VPS13B: variants seen among roughly 807,000 people sequenced by gnomAD.
VPS13B encodes intermembrane lipid transfer protein VPS13B.
In VPS13B, 285 loss-of-function variants were observed where a neutral mutation model predicts 426.4. The ratio of observed to expected loss-of-function variants is 0.67; its 90% CI spans 0.61 to 0.74. The LOEUF (loss-of-function observed/expected upper bound fraction) is 0.74, where lower values mean the gene tolerates loss of function less well. VPS13B is among the 30% of genes least tolerant of loss of function. The probability of loss-of-function intolerance (pLI) is 0.00; values close to 1 mark genes in which losing one functional copy is unlikely to be tolerated. For missense variants in VPS13B, 4,537 were observed against 4,782.6 expected (o/e 0.95, Z 1.51); for synonymous variants, 1,676 against 1,676.4 (o/e 1.00, Z 0.01).
At chr8:99,186,508 C>A (rs1813228928) in intron 16 of VPS13B, among the ~76,000 whole-genome samples, 1 of 151,832 alleles carries the variant, frequency 6.6e-6, no homozygotes, top group African/African-American at 2.4e-5. Flanking sequence ...CATTTGTTAA[C>A]CAGTTACAAA....
chr8:99,114,523 A>G lies in VPS13B; in HGVS notation c.763-1177A>G, dbSNP rs140888956. Among the ~76,000 whole-genome samples the G allele has an allele frequency of 7.9e-5, 12 of 152,328 alleles. No individual in the cohort carries two copies. The East Asian group carries it at 2.3e-3, about 29-fold the overall frequency. On this transcript the variant is annotated intron_variant, in intron 6 of 61. Transcript: ENST00000357162. The stretch of plus-strand genomic sequence containing the variant: ...GCTTATTACCAGTGCTATTGGTGCA[A>G]TACAAGATTTAAAAGAATGTGACAG...
intron 33 of VPS13B, among the ~76,000 whole-genome samples, chr8:99,616,461 T>C (rs1418505099): frequency 2.0e-5 from 3 of 152,112 alleles, no homozygotes; most frequent in Non-Finnish European, 4.4e-5. Context: ...AGGGTGAACT[T>C]TGAAAGATAA....
intron 20 of VPS13B, among the ~76,000 whole-genome samples, chr8:99,387,268 A>G (rs1814176681): frequency 1.3e-5 from 2 of 151,962 alleles, no homozygotes; most frequent in African/African-American, 4.8e-5. Flanking sequence ...CCCAGGCTGA[A>G]GTGCAGTGCT....
At chr8:99,744,210 A>G (rs980954673) in intron 39 of VPS13B, among the ~76,000 whole-genome samples, 1 of 152,248 alleles carries the variant, frequency 6.6e-6, no homozygotes, top group African/African-American at 2.4e-5. Flanking sequence ...CAAAAGACAC[A>G]TGAAAAAATG....
intron 33 of VPS13B, among the ~76,000 whole-genome samples, chr8:99,599,221 C>G (rs1449056057): frequency 6.6e-6 from 1 of 151,986 alleles, no homozygotes; most frequent in African/African-American, 2.4e-5. Context: ...CCTGTCCTCT[C>G]AAGGTTACTA....
In VPS13B at chr8:99,152,196, G is replaced by A. The variant is rs75851559; in HGVS notation, c.2013+4186G>A. Among the ~76,000 whole-genome samples the A allele has an allele frequency of 2.9e-4, 44 of 152,202 alleles. No homozygotes were observed. In the Middle Eastern group the frequency reaches 0.017, roughly 59 times the overall value. On this transcript the variant is annotated intron_variant, in intron 14 of 61. Transcript: ENST00000357162. ...GCTTTCACTGCATGCTACAAATTTC[G>A]ATAAGTTGGATTTTTGTTTTCATTT...
At chr8:99,777,989 T>C (rs1349380685) in intron 41 of VPS13B, among the ~76,000 whole-genome samples, 1 of 152,110 alleles carries the variant, frequency 6.6e-6, no homozygotes, top group Non-Finnish European at 1.5e-5. Flanking sequence ...CCCAACACTT[T>C]GGGAGGCCGA....
intron 2 of VPS13B, among the ~76,000 whole-genome samples, chr8:99,036,261 T>G (rs1253038568): frequency 6.6e-6 from 1 of 152,164 alleles, no homozygotes; most frequent in African/African-American, 2.4e-5. Flanking sequence ...TTGAGATATA[T>G]TCAACTCTGT....
At chr8:99,780,433 CTCTT>C (rs1283616550) in intron 42 of VPS13B, among the ~76,000 whole-genome samples, 1 of 152,116 alleles carries the variant, frequency 6.6e-6, no homozygotes, top group Non-Finnish European at 1.5e-5. Context: ...TAAAAATACT[CTCTT>C]AGACACAGCT....
At chr8:99,205,604 TG>T (rs1355198050) in intron 17 of VPS13B, among the ~76,000 whole-genome samples, 1 of 152,230 alleles carries the variant, frequency 6.6e-6, no homozygotes, top group African/African-American at 2.4e-5. Context: ...ATGTAAGGAC[TG>T]GATACCATTA....
intron 3 of VPS13B, among the ~76,000 whole-genome samples, chr8:99,090,857 C>CT (rs201877939): frequency 1.3e-5 from 2 of 151,476 alleles, no homozygotes; most frequent in Admixed American, 6.6e-5. Flanking sequence ...TCTGTATTTA[C>CT]TTTTTTTTTC....
intron 17 of VPS13B, among the ~76,000 whole-genome samples, chr8:99,271,363 G>A (rs1439649253): frequency 1.3e-5 from 2 of 152,080 alleles, no homozygotes; most frequent in Admixed American, 1.3e-4. Flanking sequence ...TAAATATACA[G>A]CATTTTAGAT....
chr8:99,376,485 A>G (rs984432146), intron 19 of VPS13B, among the ~76,000 whole-genome samples: 9 of 152,202 alleles, frequency 5.9e-5, no homozygotes, highest in Admixed American at 2.0e-4. Flanking sequence ...ATGTAATCAT[A>G]TAACTTACAT....
At chr8:99,733,425 A>G (rs1179128406) in intron 39 of VPS13B, among the ~76,000 whole-genome samples, 1 of 152,220 alleles carries the variant, frequency 6.6e-6, no homozygotes, top group Non-Finnish European at 1.5e-5. Context: ...CAAATTAGGG[A>G]TAATCATAGC....
At chr8:99,195,869 A>G (rs1451984904) in intron 17 of VPS13B, among the ~76,000 whole-genome samples, 1 of 152,208 alleles carries the variant, frequency 6.6e-6, no homozygotes, top group African/African-American at 2.4e-5. Flanking sequence ...TCAATTGTCC[A>G]TAAATGTGTG....
chr8:99,164,425 C>A (rs1418453562), intron 15 of VPS13B, among the ~76,000 whole-genome samples: 1 of 152,190 alleles, frequency 6.6e-6, no homozygotes, highest in Non-Finnish European at 1.5e-5. Context: ...AAAAACAACA[C>A]TCTTCCCCTA....
intron 54 of VPS13B, among the ~76,000 whole-genome samples, chr8:99,845,866 C>T (rs893345362): frequency 5.3e-5 from 8 of 152,160 alleles, no homozygotes; most frequent in Admixed American, 3.3e-4. Flanking sequence ...CCAATAAAGC[C>T]TTATTCACAA....
At chr8:99,581,625 T>C (rs1392088986) in intron 33 of VPS13B, among the ~76,000 whole-genome samples, 1 of 152,150 alleles carries the variant, frequency 6.6e-6, no homozygotes, top group East Asian at 1.9e-4. Context: ...TACATACAGG[T>C]TGAGTCCCCT....
intron 51 of VPS13B, among the ~76,000 whole-genome samples, chr8:99,827,606 A>C (rs1814772929): frequency 8.0e-6 from 1 of 125,542 alleles, no homozygotes; most frequent in Admixed American, 8.4e-5. Context: ...GATCTTAGTT[A>C]TTTCTTGTCT....
Sources: allele counts gnomAD v4.1 joint callset (sites outside exome capture counted in the v4.1 genomes callset), GRCh38; gene constraint gnomAD v4.1.1; transcripts MANE v1.5; gene names NCBI Gene and HGNC (gene_info 2026-07-23, HGNC 2026-07-21).